Variants in MRPL35 observed in about 807,000 individuals in gnomAD.
The protein encoded by MRPL35 is mitochondrial ribosomal protein L35.
Under a neutral mutation model 21.6 loss-of-function variants are expected in MRPL35, and 18 were observed. That is an observed-to-expected ratio of 0.83 (90% CI 0.58 to 1.24). The LOEUF is 1.24. MRPL35 is among the 50% of genes most tolerant of loss of function. The pLI is 0.00. For missense variants in MRPL35, 223 were observed against 223.2 expected, an observed-to-expected ratio of 1.00 and a Z score of 0.01; for synonymous variants, 87 against 86.9, an observed-to-expected ratio of 1.00 and a Z score of -0.01.
intron 2 of MRPL35, 39 bp downstream of exon 2, chr2:86,206,334 G>C (rs1160139888): frequency 6.5e-7 from 1 of 1,546,402 alleles, no homozygotes; most frequent in Non-Finnish European, 8.8e-7. Context: ...TTTGTTTTTT[G>C]TTTTTTGTTT....
At chr2:86,199,618 T>A in intron 1 of MRPL35, 85 bp downstream of exon 1, 8 of 1,521,620 alleles carry the variant, frequency 5.3e-6, no homozygotes, top group Admixed American at 3.6e-5. Context: ...GACTGGAGGT[T>A]AACAAGCAAA....
chr2:86,212,308 G>C lies in MRPL35; in HGVS notation c.*1640G>C. On this transcript the variant is annotated 3_prime_UTR_variant, in exon 4 of 4. Coordinates refer to ENST00000337109, the MANE Select transcript of MRPL35 (RefSeq NM_016622.4). ...GTTCTAAAACCAGAAGTCCAAGTGC[G>C]TGTCTACTTATGGGACCAATAAATA... The C allele has an allele frequency of 6.4e-7, 1 of 1,563,856 alleles. No individual in the cohort carries two copies. The highest frequency in any genetic ancestry group is 8.7e-7 in the Non-Finnish European group (1 of 1,154,630).
In MRPL35 at chr2:86,213,583, C is replaced by T. The variant is rs944062547; in HGVS notation, c.*2915C>T. 9 of 1,546,734 alleles carry T rather than the reference C, an allele frequency of 5.8e-6. No homozygotes were observed. The East Asian group carries it at 1.7e-4, about 29-fold the overall frequency. ...CAGATGTGAAAGGTAAGGGCTGCAG[C>T]AGGTTTAAGGGTGGCCCTTCACCAC... On this transcript the variant is annotated 3_prime_UTR_variant, in exon 4 of 4. Transcript: ENST00000337109.
chr2:86,210,499 T>A lies in MRPL35; in HGVS notation c.398T>A (p.Leu133Ter), dbSNP rs1305285958. The A allele has an allele frequency of 2.5e-6, 4 of 1,606,316 alleles. No individual in the cohort carries two copies. The Admixed American group carries it at 5.2e-5, about 21-fold the overall frequency. ...TGACAGGCTGGCTATAAGAAAAAAT[T>A]ATGGAAAAAGACACCTGCAAGGAAG... The part of the protein sequence containing the change: ...VRRKAGYKKK[L>*]WKKTPARKKR... Residue 133 changes from leucine (L) to a stop codon, truncating the protein, a stop_gained, in exon 4 of 4, where the codon TTA becomes TAA. Coordinates refer to ENST00000337109, the MANE Select transcript of MRPL35 (RefSeq NM_016622.4). LOFTEE classifies it high-confidence loss of function.
chr2:86,213,444 A>C lies in MRPL35; in HGVS notation c.*2776A>C. 1 of 1,302,938 alleles carries C rather than the reference A, an allele frequency of 7.7e-7. No homozygotes were observed. The highest frequency in any genetic ancestry group is 9.8e-7 in the Non-Finnish European group (1 of 1,022,192). 80.7% of individuals were successfully genotyped at this position (1,302,938 alleles called of 1,614,324 possible). ...TTATTTTACAGTGATTTTGTCAAAC[A>C]TAGAATACAGGACTAAAAATGCAAA... On this transcript the variant is annotated 3_prime_UTR_variant, in exon 4 of 4. Coordinates refer to ENST00000337109, the MANE Select transcript of MRPL35 (RefSeq NM_016622.4).
Position 86,207,282 on chromosome 2 carries a change from C to T in MRPL35, c.333C>T (p.Ile111=), listed in dbSNP as rs374724139. Residue 111 remains isoleucine, a synonymous_variant, in exon 3 of 4, where the codon ATC becomes ATT. Transcript: ENST00000337109. ...AGAGAAAGACCGTGAAAGCTGTCAT[C>T]GATAGGTTTCTTCGACTTCATTGTG... ...KGKRKTVKAV[I]DRFLRLHCGL... The T allele has an allele frequency of 1.9e-5, 30 of 1,613,860 alleles. No individual in the cohort carries two copies. Among genetic ancestry groups the T allele is most frequent in the East Asian group, 4.5e-5 (2 of 44,880 alleles).
rs774673966 is a variant in MRPL35, at chr2:86,213,678, A to G, written c.*3010A>G. ...AATGTTCAGAGAAGAAAAATGATGG[A>G]CCAAACGTCTGTTTGCACAATTGAA... On this transcript the variant is annotated 3_prime_UTR_variant, in exon 4 of 4. Coordinates refer to ENST00000337109, the MANE Select transcript of MRPL35 (RefSeq NM_016622.4). 1.3e-6 allele frequency: 2 copies of G among 1,550,078 alleles called. No homozygotes were observed. The highest frequency in any genetic ancestry group is 1.7e-6 in the Non-Finnish European group (2 of 1,146,658).
intron 1 of MRPL35, among the ~76,000 whole-genome samples, chr2:86,202,964 G>A (rs1673718443): frequency 6.6e-6 from 1 of 152,056 alleles, no homozygotes; most frequent in South Asian, 2.1e-4. Context: ...GGGGTTACAG[G>A]GGTGAGCTAC....
intron 3 of MRPL35, among the ~76,000 whole-genome samples, chr2:86,207,731 T>G (rs896157546): frequency 2.0e-5 from 3 of 152,172 alleles, no homozygotes; most frequent in Non-Finnish European, 4.4e-5. Context: ...CCCAGCACTT[T>G]GGGAGGCCAA....
intron 1 of MRPL35, among the ~76,000 whole-genome samples, chr2:86,202,211 G>T (rs1421402941): frequency 6.6e-6 from 1 of 152,152 alleles, no homozygotes; most frequent in Non-Finnish European, 1.5e-5. Context: ...TCTCAACCAA[G>T]ATCCCAGTTC....
At chr2:86,199,569 A>G (rs1673644360) in intron 1 of MRPL35, 36 bp downstream of exon 1, 1 of 1,612,844 alleles carries the variant, frequency 6.2e-7, no homozygotes, top group African/African-American at 1.3e-5. Flanking sequence ...GCATGCCTTC[A>G]CAGAAGGGGA....
At chr2:86,202,933 G>A (rs1002198407) in intron 1 of MRPL35, among the ~76,000 whole-genome samples, 4 of 151,736 alleles carry the variant, frequency 2.6e-5, no homozygotes, top group Non-Finnish European at 4.4e-5. Context: ...CAGGTGATCC[G>A]CCGGGGCCTC....
chr2:86,213,387 C>A lies in MRPL35; in HGVS notation c.*2719C>A, dbSNP rs771126791. On this transcript the variant is annotated 3_prime_UTR_variant, in exon 4 of 4. Coordinates refer to ENST00000337109, the MANE Select transcript of MRPL35 (RefSeq NM_016622.4). ...TTTCCCATCTGTTCCTGCTTTTAGT[C>A]CTCTGAATCTGCTTCTTTTCTTACT... 7 of 1,260,438 alleles carry A rather than the reference C, an allele frequency of 5.6e-6. No individual in the cohort carries two copies. The highest frequency in any genetic ancestry group is 7.0e-6 in the Non-Finnish European group (7 of 1,003,994). 78.1% of individuals were successfully genotyped at this position (1,260,438 alleles called of 1,614,324 possible). A position where few individuals can be genotyped will look rare whatever the true frequency, so the allele number is the denominator to read the frequency against.
intron 1 of MRPL35, among the ~76,000 whole-genome samples, chr2:86,201,625 T>C (rs1053017168): frequency 5.3e-5 from 8 of 152,278 alleles, no homozygotes; most frequent in Non-Finnish European, 8.8e-5. Flanking sequence ...TAAAGAGTGA[T>C]GTGACAGCTT....
At chr2:86,209,353 TAAAG>T (rs1237222286) in intron 3 of MRPL35, among the ~76,000 whole-genome samples, 1 of 152,200 alleles carries the variant, frequency 6.6e-6, no homozygotes, top group Non-Finnish European at 1.5e-5. Flanking sequence ...TATTGTGCCA[TAAAG>T]AGCCCTTGGC....
In MRPL35 at chr2:86,211,748, G is replaced by C. The variant is rs1423421969; in HGVS notation, c.*1080G>C. On this transcript the variant is annotated 3_prime_UTR_variant, in exon 4 of 4. Transcript: ENST00000337109. ...AGTGGTGCAATCATAGCTCATTGAA[G>C]CCTCGCACTCCTGGGCTCAAGTGGT... 3 of 982,788 alleles carry C rather than the reference G, an allele frequency of 3.1e-6. No individual in the cohort carries two copies. The highest frequency in any genetic ancestry group is 1.7e-5 in the African/African-American group (1 of 57,158). The allele number at this position is 982,788 out of a possible 1,614,324, so 60.9% of individuals were successfully genotyped here. A position where few individuals can be genotyped will look rare whatever the true frequency, so the allele number is the denominator to read the frequency against.
rs770587187 is a variant in MRPL35, at chr2:86,207,234, A to G, written c.285A>G (p.Thr95=). 6.2e-7 allele frequency: 1 copy of G among 1,614,094 alleles called. No homozygotes were observed. Among genetic ancestry groups the G allele is most frequent in the Non-Finnish European group, 8.5e-7 (1 of 1,179,950 alleles). ...TGAAGCTGCCAGTCAGATCTCTAACATACTTCAGTGCAAGAAAAGGCAAGA... is the reference window on the plus strand; with the variant it reads ...TGAAGCTGCCAGTCAGATCTCTAACGTACTTCAGTGCAAGAAAAGGCAAGA... The part of the protein sequence containing the change: ...SVLKLPVRSL[T]YFSARKGKRK... Residue 95 remains threonine, a synonymous_variant, in exon 3 of 4, where the codon ACA becomes ACG. Transcript: ENST00000337109.
At chr2:86,204,464 T>A (rs373159692) in intron 1 of MRPL35, among the ~76,000 whole-genome samples, 126 of 125,932 alleles carry the variant, frequency 1.0e-3, no homozygotes, top group African/African-American at 3.8e-3. Context: ...TTTTTTTTTA[T>A]ACTTTAAGTT....
intron 1 of MRPL35, 69 bp from the exon 2 acceptor site, chr2:86,206,037 C>A: frequency 7.5e-7 from 1 of 1,325,910 alleles, no homozygotes; most frequent in Non-Finnish European, 1.1e-6. Flanking sequence ...GGCAGTGATA[C>A]ATCTCTTAAT....
Sources: gnomAD v4.1 joint callset for allele counts (sites outside exome capture counted in the v4.1 genomes callset) on GRCh38, gnomAD v4.1.1 for gene constraint, MANE v1.5 for transcripts, NCBI Gene and HGNC (gene_info 2026-07-23, HGNC 2026-07-21) for gene names.